Variants in ABHD18 observed in about 807,000 individuals in gnomAD.
ABHD18 encodes the protein abhydrolase domain containing 18.
In ABHD18, 55 loss-of-function variants were observed where a neutral mutation model predicts 65.9. The observed-to-expected ratio is 0.84, with a 90% CI of 0.67 to 1.05. The LOEUF is 1.05. Ranked by LOEUF, ABHD18 falls within the 50% of genes least tolerant of loss-of-function variation. ABHD18 has a pLI of 0.00. For missense variants in ABHD18, 533 were observed against 558.5 expected, an observed-to-expected ratio of 0.95 and a Z score of 0.46; for synonymous variants, 181 against 180.2, an observed-to-expected ratio of 1.00 and a Z score of -0.04.
Position 127,989,766 on chromosome 4 carries a change from TC to T in ABHD18, c.228del (p.Met77TrpfsTer51). The part of the protein sequence containing the change: ...DCKILDGHFV[S>X]PMAHYVPDIM... ...TAAGATCTTAGATGGACACTTTGTT[TC>T]CCCCATGGCTCACTATGTGCCTGAT... On this transcript the variant is annotated frameshift_variant, in exon 4 of 13. Coordinates refer to ENST00000645843, the MANE Select transcript of ABHD18 (RefSeq NM_001358451.3). LOFTEE classifies it high-confidence loss of function. 1.2e-6 allele frequency: 2 copies of T among 1,602,918 alleles called. No homozygotes were observed. The highest frequency in any genetic ancestry group is 1.7e-6 in the Non-Finnish European group (2 of 1,174,636).
rs1750484639 is a variant in ABHD18, at chr4:127,989,102, T to C, written c.178-619T>C. Among the ~76,000 whole-genome samples the C allele has an allele frequency of 2.0e-5, 3 of 152,146 alleles. No homozygotes were observed. The South Asian group carries it at 6.2e-4, about 32-fold the overall frequency. The stretch of plus-strand genomic sequence containing the variant: ...AATATTATTGAACCATAAAAAAGAA[T>C]GAAATATTGTCATTTGCAACAACAT... On this transcript the variant is annotated intron_variant, in intron 3 of 12. Coordinates refer to ENST00000645843, the MANE Select transcript of ABHD18 (RefSeq NM_001358451.3).
At chr4:128,003,590 A>G (rs1753060704) in intron 4 of ABHD18, among the ~76,000 whole-genome samples, 1 of 152,142 alleles carries the variant, frequency 6.6e-6, no homozygotes, top group African/African-American at 2.4e-5. Flanking sequence ...CATAATTTCC[A>G]AGATCTTTTT....
chr4:128,034,637 C>CTATTCCTT (rs749969739), intron 12 of ABHD18, among the ~76,000 whole-genome samples: 7 of 151,710 alleles, frequency 4.6e-5, no homozygotes, highest in Non-Finnish European at 1.0e-4. Flanking sequence ...TAAAATTTGT[C>CTATTCCTT]TATTCCTTTT....
At chr4:128,010,446 T>A (rs748665302) in intron 6 of ABHD18, among the ~76,000 whole-genome samples, 1 of 151,712 alleles carries the variant, frequency 6.6e-6, no homozygotes, top group Non-Finnish European at 1.5e-5. Context: ...GGAGAATCAC[T>A]TGAACCCAGG....
chr4:127,968,556 G>A (rs1299894119), intron 1 of ABHD18, among the ~76,000 whole-genome samples: 1 of 152,092 alleles, frequency 6.6e-6, no homozygotes. Flanking sequence ...GTACCCAAAT[G>A]ACAGGAAATA....
intron 4 of ABHD18, among the ~76,000 whole-genome samples, chr4:127,995,151 A>G (rs1051576614): frequency 3.3e-5 from 5 of 152,246 alleles, no homozygotes; most frequent in African/African-American, 1.2e-4. Context: ...AAATGCTGGG[A>G]TTACAGGCGT....
At chr4:128,011,495 T>TAA (rs1553964860) in intron 6 of ABHD18, among the ~76,000 whole-genome samples, 178 bp from the exon 7 acceptor site, 24 of 149,362 alleles carry the variant, frequency 1.6e-4, no homozygotes, top group East Asian at 9.8e-4. Flanking sequence ...TTTTTTTTTT[T>TAA]AAAAAAAAGG....
At chr4:128,006,195 A>G (rs2149125258) in intron 4 of ABHD18, among the ~76,000 whole-genome samples, 1 of 152,330 alleles carries the variant, frequency 6.6e-6, no homozygotes, top group South Asian at 2.1e-4. Context: ...TAATACTCCA[A>G]TAAAAAATTC....
intron 1 of ABHD18, among the ~76,000 whole-genome samples, chr4:127,968,273 AT>A (rs1250599050): frequency 6.6e-6 from 1 of 152,236 alleles, no homozygotes; most frequent in East Asian, 1.9e-4. Context: ...AAGGAATTAT[AT>A]TTGTTGAATT....
At chr4:127,976,093 C>T (rs970782794) in intron 1 of ABHD18, among the ~76,000 whole-genome samples, 3 of 152,166 alleles carry the variant, frequency 2.0e-5, no homozygotes, top group African/African-American at 4.8e-5. Context: ...GTTGGGATTA[C>T]AGGCATGAAC....
intron 3 of ABHD18, 24 bp downstream of exon 3, chr4:127,984,447 T>C: frequency 2.2e-6 from 3 of 1,362,716 alleles, no homozygotes; most frequent in Non-Finnish European, 3.0e-6. Context: ...AGAAACACAG[T>C]TATAGGAATT....
chr4:127,990,545 G>A (rs1435828963), intron 4 of ABHD18, among the ~76,000 whole-genome samples: 1 of 152,026 alleles, frequency 6.6e-6, no homozygotes, highest in Non-Finnish European at 1.5e-5. Flanking sequence ...CTGGGCCACA[G>A]AGTGAGACTC....
intron 4 of ABHD18, among the ~76,000 whole-genome samples, chr4:127,994,477 C>T (rs1751423992): frequency 6.6e-6 from 1 of 152,058 alleles, no homozygotes; most frequent in Admixed American, 6.6e-5. Flanking sequence ...ATCCAAACTA[C>T]TCAGGAGGCT....
At position 128,023,403 on chromosome 4, in the gene ABHD18, CAAAAAAAAAAAAAA is replaced by C. The variant is rs59549849; in HGVS notation, c.801+2183_801+2196del. ...AAATAAAGTGAGACTCTTGTCTCTA[CAAAAAAAAAAAAAA>C]AAAAAAAAAAAAAAAAAGCTGGGCA... On this transcript the variant is annotated intron_variant, in intron 10 of 12. Transcript: ENST00000645843. Among the ~76,000 whole-genome samples the C allele has an allele frequency of 5.1e-3, 228 of 44,990 alleles. 1 individual carries two copies. The highest frequency in any genetic ancestry group is 0.056 in the Middle Eastern group (2 of 36). 29.5% of individuals were successfully genotyped at this position (44,990 alleles called of 152,430 possible).
chr4:128,023,567 G>C (rs963513330), intron 10 of ABHD18, among the ~76,000 whole-genome samples: 1 of 150,346 alleles, frequency 6.7e-6, no homozygotes, highest in Non-Finnish European at 1.5e-5. Flanking sequence ...CCAGGTGACA[G>C]AGCAAGACCA....
intron 12 of ABHD18, among the ~76,000 whole-genome samples, chr4:128,033,687 C>T (rs1758527684): frequency 6.6e-6 from 1 of 151,854 alleles, no homozygotes; most frequent in Non-Finnish European, 1.5e-5. Context: ...AGGCGCCCGC[C>T]ACCACGCCCG....
intron 4 of ABHD18, among the ~76,000 whole-genome samples, chr4:128,007,235 C>T (rs1432637564): frequency 1.3e-5 from 2 of 150,734 alleles, no homozygotes; most frequent in African/African-American, 4.9e-5. Flanking sequence ...GGGAGGACTG[C>T]TTGAGCCCAG....
chr4:128,032,638 G>A (rs186914415), intron 12 of ABHD18, among the ~76,000 whole-genome samples: 2 of 152,198 alleles, frequency 1.3e-5, no homozygotes, highest in African/African-American at 4.8e-5. Flanking sequence ...GTGAGCTATC[G>A]CACCACTGCA....
chr4:128,013,853 G>GA (rs1168828039), intron 7 of ABHD18, among the ~76,000 whole-genome samples: 1 of 152,050 alleles, frequency 6.6e-6, no homozygotes, highest in African/African-American at 2.4e-5. Flanking sequence ...AGGTATAGAT[G>GA]AAAGTAGGAT....
Sources: gnomAD v4.1 joint callset for allele counts (sites outside exome capture counted in the v4.1 genomes callset) on GRCh38, gnomAD v4.1.1 for gene constraint, MANE v1.5 for transcripts, NCBI Gene and HGNC (gene_info 2026-07-23, HGNC 2026-07-21) for gene names.